Variants in RNF13 observed in about 807,000 individuals in gnomAD.
The protein encoded by RNF13 is E3 ubiquitin-protein ligase RNF13.
A neutral mutation model predicts 37.7 loss-of-function variants in RNF13; 19 were observed. That is an observed-to-expected ratio of 0.50 (90% CI 0.35 to 0.74). The LOEUF (loss-of-function observed/expected upper bound fraction) is 0.74. Among genes scored for constraint, RNF13 ranks in the 30% least tolerant of loss-of-function variants. The pLI, the probability that RNF13 is intolerant of heterozygous loss-of-function variation, is 0.01. For synonymous variants in RNF13, 144 were observed against 157.8 expected, an observed-to-expected ratio of 0.91 and a Z score of 0.65; for missense variants, 375 against 453.0, an observed-to-expected ratio of 0.83 and a Z score of 1.56.
chr3:149,826,721 C>T (rs1720545233), intron 1 of RNF13, among the ~76,000 whole-genome samples: 2 of 152,154 alleles, frequency 1.3e-5, no homozygotes, highest in Non-Finnish European at 2.9e-5. Flanking sequence ...CCATCCAGAG[C>T]TTACATGATT....
intron 8 of RNF13, among the ~76,000 whole-genome samples, chr3:149,926,919 C>A (rs1353018962): frequency 6.6e-6 from 1 of 152,058 alleles, no homozygotes; most frequent in Non-Finnish European, 1.5e-5. Context: ...AACACTTTGC[C>A]TTTCCACTTA....
chr3:149,817,105 T>G (rs1183720725), intron 1 of RNF13: 2 of 152,144 alleles, frequency 1.3e-5, no homozygotes, highest in Non-Finnish European at 2.9e-5. Flanking sequence ...AAATGTAGAA[T>G]GAAAACTGGA....
At chr3:149,934,791 T>C (rs939978362) in intron 8 of RNF13, among the ~76,000 whole-genome samples, 4 of 152,008 alleles carry the variant, frequency 2.6e-5, no homozygotes, top group African/African-American at 4.8e-5. Flanking sequence ...ACCCAGCTAA[T>C]TTTTTTGTAG....
chr3:149,835,929 A>G (rs1185086444), intron 1 of RNF13, among the ~76,000 whole-genome samples: 2 of 151,036 alleles, frequency 1.3e-5, no homozygotes, highest in Admixed American at 1.3e-4. Context: ...GCTGGATCAA[A>G]TGGTAGTTCT....
At chr3:149,935,751 A>C (rs893962169) in intron 8 of RNF13, among the ~76,000 whole-genome samples, 1 of 152,182 alleles carries the variant, frequency 6.6e-6, no homozygotes, top group Non-Finnish European at 1.5e-5. Context: ...AGATTGTTGT[A>C]GTTTTTACTT....
chr3:149,956,898 C>T (rs767164365), intron 8 of RNF13, among the ~76,000 whole-genome samples: 10 of 152,144 alleles, frequency 6.6e-5, no homozygotes, highest in Non-Finnish European at 1.2e-4. Context: ...AGCACCATCT[C>T]TGGTCCACAA....
At chr3:149,882,238 A>G (rs1293873348) in intron 4 of RNF13, among the ~76,000 whole-genome samples, 1 of 144,062 alleles carries the variant, frequency 6.9e-6, no homozygotes, top group East Asian at 2.1e-4. Flanking sequence ...AAAAATTTTT[A>G]TCCAAAATGA....
chr3:149,864,451 C>T (rs915868886), intron 3 of RNF13, among the ~76,000 whole-genome samples: 10 of 152,024 alleles, frequency 6.6e-5, no homozygotes, highest in Non-Finnish European at 1.5e-4. Context: ...TACAAATTAC[C>T]CAGCCTCAGG....
intron 1 of RNF13, among the ~76,000 whole-genome samples, chr3:149,817,513 AT>A (rs1719590141): frequency 6.6e-6 from 1 of 152,162 alleles, no homozygotes; most frequent in African/African-American, 2.4e-5. Flanking sequence ...CAGATTTGTT[AT>A]TTTTATTATC....
rs570020183 is a variant in RNF13, at chr3:149,880,583, G to A, written c.321+8429G>A. 1.3e-3 allele frequency among the ~76,000 whole-genome samples: 193 copies of A among 152,004 alleles called. 1 individual carries two copies. Among genetic ancestry groups the A allele is most frequent in the African/African-American group, 4.5e-3 (187 of 41,484 alleles). On this transcript the variant is annotated intron_variant, in intron 4 of 9. Transcript: ENST00000392894. ...ATAGCAAGCATAACTACACATAAAG[G>A]TTATTCAGATTTTCTTAATGTCACT...
chr3:149,863,115 G>C (rs1221572426), intron 3 of RNF13, among the ~76,000 whole-genome samples: 1 of 152,080 alleles, frequency 6.6e-6, no homozygotes, highest in African/African-American at 2.4e-5. Context: ...TTTGAATTCT[G>C]AATACTGAAA....
intron 4 of RNF13, among the ~76,000 whole-genome samples, chr3:149,882,561 T>C (rs1364896202): frequency 2.6e-5 from 4 of 152,194 alleles, no homozygotes; most frequent in African/African-American, 9.7e-5. Context: ...AGTTTTCTAG[T>C]AATTAATGTT....
chr3:149,914,096 C>T (rs1717257510), intron 7 of RNF13, among the ~76,000 whole-genome samples: 2 of 152,084 alleles, frequency 1.3e-5, no homozygotes, highest in African/African-American at 4.8e-5. Context: ...AATATTCATA[C>T]ATTATTTTTG....
intron 1 of RNF13, chr3:149,817,385 T>C (rs984693923): frequency 1.3e-5 from 2 of 152,176 alleles, no homozygotes; most frequent in Non-Finnish European, 2.9e-5. Flanking sequence ...AAAAAATAGC[T>C]AGTAAATTGG....
At chr3:149,933,652 C>T (rs191718353) in intron 8 of RNF13, among the ~76,000 whole-genome samples, 13 of 146,390 alleles carry the variant, frequency 8.9e-5, no homozygotes, top group African/African-American at 2.5e-4. Flanking sequence ...GGTGTGATCT[C>T]GGCTCACTGT....
intron 8 of RNF13, among the ~76,000 whole-genome samples, chr3:149,957,736 ATC>A (rs1393703561): frequency 2.1e-4 from 32 of 152,346 alleles, no homozygotes; most frequent in Admixed American, 7.2e-4. Context: ...TACTTGCATT[ATC>A]TCTTTTAATC....
chr3:149,867,101 A>G (rs561274770), intron 3 of RNF13, among the ~76,000 whole-genome samples: 2 of 152,284 alleles, frequency 1.3e-5, no homozygotes, highest in East Asian at 3.9e-4. Flanking sequence ...GTGGTATGCT[A>G]AAGTTCCCTA....
intron 8 of RNF13, among the ~76,000 whole-genome samples, chr3:149,925,344 A>T (rs1440241415): frequency 6.6e-6 from 1 of 152,166 alleles, no homozygotes; most frequent in South Asian, 2.1e-4. Context: ...CCACCCCAGG[A>T]GCTGTTATGT....
intron 6 of RNF13, among the ~76,000 whole-genome samples, chr3:149,909,229 A>C (rs1271075583): frequency 1.3e-5 from 2 of 151,978 alleles, no homozygotes; most frequent in African/African-American, 2.4e-5. Context: ...TAAGAAAAAA[A>C]CAGTATCTTG....
Sources: allele counts gnomAD v4.1 joint callset (sites outside exome capture counted in the v4.1 genomes callset), GRCh38; gene constraint gnomAD v4.1.1; transcripts MANE v1.5; gene names NCBI Gene and HGNC (gene_info 2026-07-23, HGNC 2026-07-21).